Variants in GNL3L observed in about 807,000 individuals in gnomAD.
The protein encoded by GNL3L is G protein nucleolar 3 like.
A neutral mutation model predicts 42.9 loss-of-function variants in GNL3L; 4 were observed. The observed-to-expected ratio is 0.09, with a 90% CI of 0.05 to 0.21. The LOEUF (loss-of-function observed/expected upper bound fraction) is 0.21, where lower values mean the gene tolerates loss of function less well. Among genes scored for constraint, GNL3L ranks in the 10% least tolerant of loss-of-function variants. The probability of loss-of-function intolerance (pLI) is 1.00; values close to 1 mark genes in which losing one functional copy is unlikely to be tolerated. For missense variants in GNL3L, 412 were observed against 481.7 expected, an observed-to-expected ratio of 0.86 and a Z score of 1.36; for synonymous variants, 159 against 176.3, an observed-to-expected ratio of 0.90 and a Z score of 0.78.
Position 54,544,240 on chromosome X carries a change from G to A in GNL3L, c.544G>A (p.Val182Ile), listed in dbSNP as rs779706373. ...LNKIDLVPKE[V>I]VEKWLDYLRN... The stretch of plus-strand genomic sequence containing the variant: ...TACCCCAGACCTGGTCCCCAAGGAG[G>A]TTGTGGAGAAATGGCTGGATTACCT... The change falls in exon 8 of 16, where the codon GTT (valine) becomes ATT (isoleucine). Residue 182 changes from valine (V) to isoleucine (I), a missense_variant. Coordinates refer to ENST00000360845, the MANE Select transcript of GNL3L (RefSeq NM_001184819.2). 8 of 1,180,779 alleles carry A rather than the reference G, an allele frequency of 6.8e-6. No individual in the cohort carries two copies. The South Asian group carries it at 1.3e-4, about 19-fold the overall frequency.
chrX:54,638,491 A>G, the GNL3L span, among the ~76,000 whole-genome samples: 23 of 111,894 alleles, frequency 2.1e-4, no homozygotes, highest in Admixed American at 2.2e-3. Flanking sequence ...TAATTAATTG[A>G]GATAGTCTGG....
rs1601994514 is a variant in GNL3L at position 54,564,715 on chromosome X, G to A, written c.*4113G>A. The stretch of plus-strand genomic sequence containing the variant: ...GCCACTGCGCCTGGCCTTTTTCTTT[G>A]TTCTTATATTTTTGTCTTTTTTTTT... On this transcript the variant is annotated 3_prime_UTR_variant, in exon 16 of 16. Coordinates refer to ENST00000360845, the MANE Select transcript of GNL3L (RefSeq NM_001184819.2). Among the ~76,000 whole-genome samples the A allele has an allele frequency of 2.3e-5, 2 of 85,931 alleles. No homozygotes were observed. Among genetic ancestry groups the A allele is most frequent in the Non-Finnish European group, 4.6e-5 (2 of 43,619 alleles). 74.6% of individuals were successfully genotyped at this position (85,931 alleles called of 115,157 possible). A position where few individuals can be genotyped will look rare whatever the true frequency, so the allele number is the denominator to read the frequency against.
chrX:54,580,046 G>A (rs754043798), intron 16 of GNL3L, among the ~76,000 whole-genome samples: 2 of 91,559 alleles, frequency 2.2e-5, no homozygotes, highest in African/African-American at 8.9e-5. Context: ...TGTGCACAAC[G>A]TGCAGGTTAT....
chrX:54,591,934 C>T (rs759042148), intron 16 of GNL3L, among the ~76,000 whole-genome samples: 1 of 111,792 alleles, frequency 8.9e-6, no homozygotes, highest in Non-Finnish European at 1.9e-5. Context: ...AAAACTGAAT[C>T]TTCCAATTCA....
intron 2 of GNL3L, among the ~76,000 whole-genome samples, chrX:54,534,330 A>G (rs1424139870): frequency 9.0e-6 from 1 of 111,363 alleles, no homozygotes; most frequent in African/African-American, 3.3e-5. Flanking sequence ...CAAGTGAAGC[A>G]TTGTCCTTGG....
chrX:54,567,769 A>G (rs1464396531), downstream of GNL3L, among the ~76,000 whole-genome samples: 2 of 110,531 alleles, frequency 1.8e-5, no homozygotes, highest in African/African-American at 3.3e-5. Flanking sequence ...CTTTACTAGT[A>G]TGAGGTGCTA....
intron 13 of GNL3L, among the ~76,000 whole-genome samples, chrX:54,553,218 A>G (rs1470828587): frequency 8.9e-6 from 1 of 112,129 alleles, no homozygotes; most frequent in Non-Finnish European, 1.9e-5. Flanking sequence ...TGTGACTCTC[A>G]GAAACTCCTG....
intron 16 of GNL3L, among the ~76,000 whole-genome samples, chrX:54,597,757 C>G (rs942608354): frequency 2.7e-5 from 3 of 111,474 alleles, no homozygotes; most frequent in Admixed American, 9.5e-5. Flanking sequence ...CTGACTAGGG[C>G]TGGTTTAAAT....
At position 54,558,483 on chromosome X, in the gene GNL3L, G is replaced by A. The variant is rs1162405003; in HGVS notation, c.1494G>A (p.Met498Ile). The A allele has an allele frequency of 8.3e-7, 1 of 1,208,543 alleles. No individual in the cohort carries two copies. Among genetic ancestry groups the A allele is most frequent in the South Asian group, 1.8e-5 (1 of 56,892 alleles). The change falls in exon 15 of 16, where the codon ATG becomes ATA. Residue 498 changes from methionine (M) to isoleucine (I), a missense_variant. Transcript: ENST00000360845. ...GYCTNPNRHQ[M>I]GWAKRNVDHR... ...GCACCAATCCGAACCGTCATCAGAT[G>A]GGGTGGGCTAAACGCAATGTGGACC...
chrX:54,564,402 C>CTTTTTTTTTTTT lies in GNL3L; in HGVS notation c.*3809_*3820dup, dbSNP rs567172499. ...AGTCACTGGTTTTTTTCTTCGTTCT[C>CTTTTTTTTTTTT]TTTTTTTTTTTTTTTTTTTTGAGAC... On this transcript the variant is annotated 3_prime_UTR_variant, in exon 16 of 16. Transcript: ENST00000360845. Among the ~76,000 whole-genome samples the CTTTTTTTTTTTT allele has an allele frequency of 1.2e-4, 10 of 80,808 alleles. No homozygotes were observed. Among genetic ancestry groups the CTTTTTTTTTTTT allele is most frequent in the African/African-American group, 5.0e-4 (10 of 20,056 alleles). 70.2% of individuals were successfully genotyped at this position (80,808 alleles called of 115,157 possible).
At chrX:54,617,992 A>G (rs1926240522) in intron 16 of GNL3L, among the ~76,000 whole-genome samples, 2 of 111,335 alleles carry the variant, frequency 1.8e-5, no homozygotes, top group Non-Finnish European at 3.8e-5. Flanking sequence ...TCTCTTTTAT[A>G]TATTCTTTTC....
intron 16 of GNL3L, among the ~76,000 whole-genome samples, chrX:54,602,345 T>A (rs5961095): frequency 0.12 from 12,945 of 111,115 alleles, 1,711 homozygotes; most frequent in African/African-American, 0.38. Context: ...ATGGTGAATA[T>A]CTTTTCATGT....
At chrX:54,610,937 A>G (rs1926155234) in intron 16 of GNL3L, among the ~76,000 whole-genome samples, 1 of 110,597 alleles carries the variant, frequency 9.0e-6, no homozygotes, top group Admixed American at 9.6e-5. Context: ...CACTTCTTTG[A>G]ATGTTTGGTA....
At chrX:54,585,193 A>G (rs1386177715) in intron 16 of GNL3L, among the ~76,000 whole-genome samples, 1 of 111,767 alleles carries the variant, frequency 8.9e-6, no homozygotes, top group Non-Finnish European at 1.9e-5. Flanking sequence ...TTTTTCATCT[A>G]TGTTCATTGA....
At chrX:54,537,194 CT>C (rs1174292798) in intron 2 of GNL3L, among the ~76,000 whole-genome samples, 5 of 105,380 alleles carry the variant, frequency 4.7e-5, no homozygotes, top group South Asian at 4.2e-4. Flanking sequence ...GTTAATTAAA[CT>C]TTTTTTTTTA....
intron 3 of GNL3L, 26 bp from the exon 4 acceptor site, chrX:54,540,108 GT>G (rs747928755): frequency 5.7e-6 from 6 of 1,053,600 alleles, no homozygotes; most frequent in Admixed American, 4.5e-5. Context: ...CATTACCTCT[GT>G]TTTTTTTCTC....
At chrX:54,550,490 C>G (rs943647971) in intron 9 of GNL3L, among the ~76,000 whole-genome samples, 9 of 111,440 alleles carry the variant, frequency 8.1e-5, no homozygotes, top group African/African-American at 2.0e-4. Context: ...CAAAGACATC[C>G]ACAGGCTGAG....
At chrX:54,611,730 A>G (rs1423766621) in intron 16 of GNL3L, among the ~76,000 whole-genome samples, 1 of 111,026 alleles carries the variant, frequency 9.0e-6, no homozygotes, top group African/African-American at 3.3e-5. Context: ...ATAATTCTGA[A>G]GTTTCCTTTT....
rs1322014743 is a variant in GNL3L at position 54,532,566 on chromosome X, C to G, written c.-1C>G. On this transcript the variant is annotated 5_prime_UTR_variant, in exon 2 of 16. In the 5' UTR this introduces an upstream ATG that the reference lacks. Transcript: ENST00000360845. Reference sequence around the variant, plus strand: ...ACCTATCTGCTTTCAAGCTGGTCATCATGATGAAACTTAGACACAGTGAGT... The same window carrying G: ...ACCTATCTGCTTTCAAGCTGGTCATGATGATGAAACTTAGACACAGTGAGT... 2.5e-6 allele frequency: 3 copies of G among 1,186,315 alleles called. No individual in the cohort carries two copies. The highest frequency in any genetic ancestry group is 3.4e-6 in the Non-Finnish European group (3 of 873,592).
Sources: allele counts gnomAD v4.1 joint callset (sites outside exome capture counted in the v4.1 genomes callset), GRCh38; gene constraint gnomAD v4.1.1; transcripts MANE v1.5; gene names NCBI Gene and HGNC (gene_info 2026-07-23, HGNC 2026-07-21).